Variants in ROBO1 observed in about 807,000 individuals in gnomAD.
ROBO1 encodes the protein roundabout homolog 1.
In ROBO1, 149 loss-of-function variants were observed where a neutral mutation model predicts 195.9. That is an observed-to-expected ratio of 0.76 (90% confidence interval 0.67 to 0.87). The LOEUF is 0.87. ROBO1 is among the 40% of genes least tolerant of loss of function. The probability of loss-of-function intolerance (pLI) is 0.00; values close to 1 mark genes in which losing one functional copy is unlikely to be tolerated. For missense variants in ROBO1, 1,933 were observed against 2,068.3 expected, an observed-to-expected ratio of 0.93 and a Z score of 1.27; for synonymous variants, 816 against 733.2, an observed-to-expected ratio of 1.11 and a Z score of -1.82.
chr3:79,313,762 CTGT>C (rs1271718501), intron 2 of ROBO1, among the ~76,000 whole-genome samples: 9 of 152,128 alleles, frequency 5.9e-5, no homozygotes, highest in African/African-American at 1.9e-4. Flanking sequence ...CTCATGTCAC[CTGT>C]TGTTAAGTTA....
chr3:79,096,012 C>CA, intron 3 of ROBO1, among the ~76,000 whole-genome samples: 1 of 151,880 alleles, frequency 6.6e-6, no homozygotes, highest in African/African-American at 2.4e-5. Flanking sequence ...TTATTATTTC[C>CA]AAAAATATTA....
At chr3:78,631,612 G>A (rs776931530) in intron 24 of ROBO1, among the ~76,000 whole-genome samples, 3 of 152,130 alleles carry the variant, frequency 2.0e-5, no homozygotes, top group Non-Finnish European at 2.9e-5. Flanking sequence ...AAACAAATGA[G>A]CTGTAGATAT....
chr3:79,370,391 CTT>C (rs1160139760), intron 2 of ROBO1, among the ~76,000 whole-genome samples: 1 of 151,832 alleles, frequency 6.6e-6, no homozygotes, highest in East Asian at 1.9e-4. Flanking sequence ...ACACAACTAA[CTT>C]TTTCATGTTA....
chr3:79,209,991 A>G (rs931452977), intron 2 of ROBO1, among the ~76,000 whole-genome samples: 28 of 152,292 alleles, frequency 1.8e-4, no homozygotes, highest in Admixed American at 1.7e-3. Flanking sequence ...CCTCAGGAAT[A>G]TACTTAACCA....
intron 3 of ROBO1, among the ~76,000 whole-genome samples, chr3:79,063,138 T>C (rs1255264293): frequency 1.3e-5 from 2 of 151,528 alleles, no homozygotes; most frequent in East Asian, 2.0e-4. Flanking sequence ...CCACAGAAAA[T>C]AAATAAACAG....
chr3:78,891,786 T>G (rs2036912385), intron 4 of ROBO1, among the ~76,000 whole-genome samples: 1 of 152,196 alleles, frequency 6.6e-6, no homozygotes, highest in Admixed American at 6.5e-5. Flanking sequence ...TTGATGTGTG[T>G]AAACTCATAG....
At chr3:78,829,281 C>T (rs768485415) in intron 4 of ROBO1, among the ~76,000 whole-genome samples, 1 of 151,926 alleles carries the variant, frequency 6.6e-6, no homozygotes, top group African/African-American at 2.4e-5. Flanking sequence ...CCTTTTATCT[C>T]GGAAGAATTA....
At chr3:78,953,474 T>G (rs184031094) in intron 3 of ROBO1, among the ~76,000 whole-genome samples, 231 of 152,194 alleles carry the variant, frequency 1.5e-3, no homozygotes, top group African/African-American at 5.4e-3. Flanking sequence ...GTATGAATTG[T>G]GTTAAGCATT....
At chr3:79,122,027 TA>T (rs1244485335) in intron 3 of ROBO1, among the ~76,000 whole-genome samples, 5 of 152,038 alleles carry the variant, frequency 3.3e-5, no homozygotes, top group Non-Finnish European at 7.4e-5. Flanking sequence ...ATTTATTACT[TA>T]ATTTTTTTAT....
At chr3:79,246,739 T>C (rs1240907816) in intron 2 of ROBO1, among the ~76,000 whole-genome samples, 1 of 152,064 alleles carries the variant, frequency 6.6e-6, no homozygotes, top group Non-Finnish European at 1.5e-5. Flanking sequence ...CTAGAACCTG[T>C]GGAGTTATCT....
intron 10 of ROBO1, among the ~76,000 whole-genome samples, chr3:78,683,527 C>T (rs577753256): frequency 4.0e-5 from 6 of 151,844 alleles, no homozygotes; most frequent in African/African-American, 1.5e-4. Flanking sequence ...GTATAAGCTA[C>T]AATAATTAAC....
chr3:78,859,877 A>G (rs529416610), intron 4 of ROBO1, among the ~76,000 whole-genome samples: 500 of 152,204 alleles, frequency 3.3e-3, no homozygotes, highest in South Asian at 7.1e-3. Context: ...TCAGGAGATC[A>G]GGACCATCCT....
At chr3:79,524,833 C>T (rs1247629258) in intron 2 of ROBO1, among the ~76,000 whole-genome samples, 1 of 151,892 alleles carries the variant, frequency 6.6e-6, no homozygotes, top group Non-Finnish European at 1.5e-5. Context: ...TTTGTTCCTC[C>T]AATGACAACA....
chr3:78,650,442 A>C (rs1241806715), intron 19 of ROBO1, among the ~76,000 whole-genome samples: 1 of 152,202 alleles, frequency 6.6e-6, no homozygotes, highest in Non-Finnish European at 1.5e-5. Flanking sequence ...TTATTTTTAT[A>C]GTATTAGTGA....
chr3:79,135,885 C>T lies in ROBO1; in HGVS notation c.89-10346G>A, dbSNP rs574171224. On this transcript the variant is annotated intron_variant, in intron 2 of 30. Transcript: ENST00000464233. ...CTCCAGGCCTCAGGTGATCCACCCG[C>T]CTTGGCCTCCCAAAGTGCTGGGATT... is the stretch of plus-strand genomic sequence containing the variant. Among the ~76,000 whole-genome samples the T allele has an allele frequency of 1.6e-3, 250 of 152,304 alleles. 2 individuals carry two copies. The highest frequency in any genetic ancestry group is 5.4e-3 in the African/African-American group (226 of 41,564).
intron 3 of ROBO1, among the ~76,000 whole-genome samples, chr3:79,048,184 C>T (rs767783527): frequency 2.0e-5 from 3 of 152,080 alleles, no homozygotes; most frequent in Non-Finnish European, 4.4e-5. Context: ...TTCATGCTTC[C>T]AATTCATTCC....
chr3:79,695,825 G>T (rs1178888659), intron 1 of ROBO1, among the ~76,000 whole-genome samples: 5 of 151,328 alleles, frequency 3.3e-5, no homozygotes, highest in African/African-American at 1.2e-4. Context: ...TAAAAAAAAA[G>T]TGTATAAGGC....
intron 4 of ROBO1, among the ~76,000 whole-genome samples, chr3:78,910,973 T>G (rs2038209762): frequency 6.6e-6 from 1 of 151,952 alleles, no homozygotes; most frequent in Non-Finnish European, 1.5e-5. Flanking sequence ...CAATCTAGGT[T>G]TTAAGAAAAC....
chr3:79,185,190 G>A (rs75861178), intron 2 of ROBO1, among the ~76,000 whole-genome samples: 8,108 of 152,238 alleles, frequency 0.053, 277 homozygotes, highest in Middle Eastern at 0.099. Context: ...ATAACTGTCT[G>A]AGAAGGGAAA....
Sources: gnomAD v4.1 joint callset for allele counts (sites outside exome capture counted in the v4.1 genomes callset) on GRCh38, gnomAD v4.1.1 for gene constraint, MANE v1.5 for transcripts, NCBI Gene and HGNC (gene_info 2026-07-23, HGNC 2026-07-21) for gene names.